Variants in RASAL2 observed in about 807,000 individuals in gnomAD.
RASAL2 encodes the protein RAS protein activator like 2, also known as ras GTPase-activating protein nGAP.
RASAL2 carries 58 observed loss-of-function variants against 128.9 expected under a neutral mutation model. The observed-to-expected ratio is 0.45, with a 90% confidence interval of 0.36 to 0.56. RASAL2 has a LOEUF of 0.56. Ranked by LOEUF, RASAL2 falls within the 20% of genes least tolerant of loss-of-function variation. The pLI is 0.00. For synonymous variants in RASAL2, 561 were observed against 580.8 expected (o/e 0.97, Z 0.49); for missense variants, 1,360 against 1,601.6 (o/e 0.85, Z 2.57).
chr1:178,391,087 T>C (rs373793358), intron 4 of RASAL2, among the ~76,000 whole-genome samples: 135 of 152,156 alleles, frequency 8.9e-4, no homozygotes, highest in Non-Finnish European at 1.6e-3. Flanking sequence ...ACTCCTTAAA[T>C]TGACCAGGCA....
intron 3 of RASAL2, among the ~76,000 whole-genome samples, chr1:178,370,997 G>A (rs1257419120): frequency 6.6e-6 from 1 of 151,096 alleles, no homozygotes; most frequent in Non-Finnish European, 1.5e-5. Flanking sequence ...CTAATACAGG[G>A]GAAAAAAAGC....
intron 3 of RASAL2, among the ~76,000 whole-genome samples, chr1:178,366,835 T>C (rs1671430348): frequency 6.6e-6 from 1 of 152,140 alleles, no homozygotes; most frequent in South Asian, 2.1e-4. Context: ...ACATATTATA[T>C]GATTTCAGTT....
intron 1 of RASAL2, among the ~76,000 whole-genome samples, chr1:178,149,733 G>A (rs568217254): frequency 9.9e-4 from 151 of 152,086 alleles, no homozygotes; most frequent in Admixed American, 2.9e-3. Context: ...CGCCTTTCTA[G>A]ATGGAAGGCA....
chr1:178,106,624 T>G (rs1659100468), intron 1 of RASAL2, among the ~76,000 whole-genome samples: 1 of 152,232 alleles, frequency 6.6e-6, no homozygotes, highest in Admixed American at 6.5e-5. Flanking sequence ...TTTTCCTTTT[T>G]ATAGAAAATA....
chr1:178,231,933 T>TTGA (rs1375167958), intron 1 of RASAL2, among the ~76,000 whole-genome samples: 1 of 152,218 alleles, frequency 6.6e-6, no homozygotes, highest in Non-Finnish European at 1.5e-5. Context: ...CAGTTATTGG[T>TTGA]TGATGATAAT....
chr1:178,373,435 T>C (rs1404234689), intron 3 of RASAL2, among the ~76,000 whole-genome samples: 1 of 151,920 alleles, frequency 6.6e-6, no homozygotes, highest in Non-Finnish European at 1.5e-5. Context: ...TAAGCCTTCG[T>C]TTCTCTGAAG....
At chr1:178,282,661 T>TTTTACTTTAG in intron 1 of RASAL2, among the ~76,000 whole-genome samples, 1 of 152,320 alleles carries the variant, frequency 6.6e-6, no homozygotes, top group East Asian at 1.9e-4. Context: ...CAATTTGAGT[T>TTTTACTTTAG]TTTACTTTAG....
At chr1:178,221,411 T>G (rs1663609589) in intron 1 of RASAL2, among the ~76,000 whole-genome samples, 1 of 152,224 alleles carries the variant, frequency 6.6e-6, no homozygotes, top group South Asian at 2.1e-4. Flanking sequence ...TGTTATAGAC[T>G]TCCCTATAAG....
At chr1:178,164,252 T>C (rs1205342203) in intron 1 of RASAL2, among the ~76,000 whole-genome samples, 1 of 152,176 alleles carries the variant, frequency 6.6e-6, no homozygotes, top group Non-Finnish European at 1.5e-5. Flanking sequence ...TTTTTATTTC[T>C]AGGGGCTGGT....
intron 3 of RASAL2, among the ~76,000 whole-genome samples, chr1:178,365,941 T>A (rs914957379): frequency 5.9e-5 from 9 of 152,244 alleles, no homozygotes; most frequent in African/African-American, 2.2e-4. Flanking sequence ...GATTTCTCAG[T>A]CACCATTGCT....
rs150573093 is a variant in RASAL2, at chr1:178,404,023, G to A, written c.564+13817G>A. 5.0e-4 allele frequency among the ~76,000 whole-genome samples: 76 copies of A among 151,338 alleles called. 1 individual carries two copies. In the East Asian group the frequency reaches 0.014, roughly 27 times the overall value. On this transcript the variant is annotated intron_variant, in intron 4 of 17. Coordinates refer to ENST00000367649, the MANE Select transcript of RASAL2 (RefSeq NM_170692.4). ...AGGCAGATCACCAGGTCAGGAGTTCGAGACCAGCCTGTCCAACATGCCGAA... is the reference window on the plus strand; with the variant it reads ...AGGCAGATCACCAGGTCAGGAGTTCAAGACCAGCCTGTCCAACATGCCGAA...
chr1:178,355,952 C>T (rs910439202), intron 3 of RASAL2, among the ~76,000 whole-genome samples: 2 of 152,092 alleles, frequency 1.3e-5, no homozygotes, highest in Non-Finnish European at 2.9e-5. Flanking sequence ...AGGTGGATTA[C>T]GAGGTCAGGA....
chr1:178,300,157 A>AC (rs757240425), intron 3 of RASAL2, 39 bp downstream of exon 3: 15 of 1,574,224 alleles, frequency 9.5e-6, no homozygotes, highest in Non-Finnish European at 1.3e-5. Context: ...CCTAGCTTTT[A>AC]TCCCATAATT....
At chr1:178,373,067 A>G (rs1161213594) in intron 3 of RASAL2, among the ~76,000 whole-genome samples, 5 of 151,926 alleles carry the variant, frequency 3.3e-5, no homozygotes, top group Admixed American at 3.3e-4. Flanking sequence ...CTATTTTCCT[A>G]GATATAAGTA....
At chr1:178,324,555 T>G (rs1224249519) in intron 3 of RASAL2, among the ~76,000 whole-genome samples, 1 of 152,168 alleles carries the variant, frequency 6.6e-6, no homozygotes, top group Admixed American at 6.5e-5. Flanking sequence ...TTCACCAGTC[T>G]GTTATGTAAT....
intron 3 of RASAL2, among the ~76,000 whole-genome samples, chr1:178,358,781 T>A (rs1670955640): frequency 6.6e-6 from 1 of 152,128 alleles, no homozygotes; most frequent in South Asian, 2.1e-4. Context: ...CCTATGTATA[T>A]ACCAAAGAGG....
intron 16 of RASAL2, among the ~76,000 whole-genome samples, chr1:178,466,364 C>T (rs1300716049): frequency 6.6e-6 from 1 of 152,108 alleles, no homozygotes. Context: ...TGGTGGTTTA[C>T]TTGAGAAATC....
intron 1 of RASAL2, among the ~76,000 whole-genome samples, chr1:178,197,129 C>A (rs897786002): frequency 1.3e-5 from 2 of 152,188 alleles, no homozygotes; most frequent in African/African-American, 4.8e-5. Context: ...GCCTGGCCAA[C>A]ATCGTGAAAC....
At chr1:178,175,032 G>C (rs941358785) in intron 1 of RASAL2, among the ~76,000 whole-genome samples, 2 of 152,134 alleles carry the variant, frequency 1.3e-5, no homozygotes, top group Non-Finnish European at 2.9e-5. Flanking sequence ...TGGGAATAAG[G>C]AGGTCCTAGA....
Sources: allele counts gnomAD v4.1 joint callset (sites outside exome capture counted in the v4.1 genomes callset), GRCh38; gene constraint gnomAD v4.1.1; transcripts MANE v1.5; gene names NCBI Gene and HGNC (gene_info 2026-07-23, HGNC 2026-07-21).